Variants in CRTAC1 observed in about 807,000 individuals in gnomAD.
CRTAC1 encodes acidic secreted protein in cartilage.
A neutral mutation model predicts 67.8 loss-of-function variants in CRTAC1; 37 were observed. The ratio of observed to expected loss-of-function variants is 0.55; its 90% CI spans 0.42 to 0.72. The LOEUF is 0.72. CRTAC1 is among the 30% of genes least tolerant of loss of function. CRTAC1 has a pLI of 0.00. For missense variants in CRTAC1, 780 were observed against 931.6 expected (o/e 0.84, Z 2.12); for synonymous variants, 348 against 371.0 (o/e 0.94, Z 0.71).
rs541178023 is a variant in CRTAC1 at position 97,923,390 on chromosome 10, C to T, written c.432G>A (p.Thr144=). The change falls in exon 4 of 15, where the codon ACG becomes ACA. Residue 144 remains threonine, a synonymous_variant. Transcript: ENST00000370597. The part of the protein sequence containing the change: ...NTNNAFSGVA[T]YTDKLFKFRN... ...GGAACTTGAACAACTTGTCGGTGTA[C>T]GTGGCCACCCCTGGAGAGAGGAGGA... 3.4e-5 allele frequency: 55 copies of T among 1,614,070 alleles called. No individual in the cohort carries two copies. In the Admixed American group the frequency reaches 4.5e-4, roughly 13 times the overall value.
At chr10:97,926,873 T>G (rs1307751639) in intron 3 of CRTAC1, among the ~76,000 whole-genome samples, 8 of 152,214 alleles carry the variant, frequency 5.3e-5, no homozygotes, top group Non-Finnish European at 8.8e-5. Flanking sequence ...TGGGAGCCTC[T>G]GAGGATGGTC....
chr10:97,894,267 A>C (rs1469654531), intron 11 of CRTAC1, among the ~76,000 whole-genome samples: 6 of 152,172 alleles, frequency 3.9e-5, no homozygotes, highest in Non-Finnish European at 8.8e-5. Context: ...TCCAGAAGCT[A>C]CCTGGATCCT....
chr10:97,934,598 C>T (rs770534083), intron 3 of CRTAC1, among the ~76,000 whole-genome samples: 7 of 152,242 alleles, frequency 4.6e-5, no homozygotes, highest in African/African-American at 9.6e-5. Flanking sequence ...ATGGTAATGT[C>T]GTGGCTCAGG....
chr10:97,936,279 G>C lies in CRTAC1; in HGVS notation c.312C>G (p.Tyr104Ter). The C allele has an allele frequency of 6.2e-7, 1 of 1,614,174 alleles. No individual in the cohort carries two copies. Among genetic ancestry groups the C allele is most frequent in the African/African-American group, 1.3e-5 (1 of 75,080 alleles). The change falls in exon 3 of 15, where the codon TAC (tyrosine) becomes TAG (stop). Residue 104 changes from tyrosine to a stop codon, truncating the protein, a stop_gained. Transcript: ENST00000370597. LOFTEE classifies it high-confidence loss of function. ...NIAVDERSSP[Y>*]YALRDRQGNA... ...TCCCCTGCCGGTCCCGCAGCGCGTA[G>C]TAGGGTGAGCTGCGCTCATCGACCG...
At chr10:97,992,401 TA>T (rs1842479495) in intron 2 of CRTAC1, among the ~76,000 whole-genome samples, 1 of 152,124 alleles carries the variant, frequency 6.6e-6, no homozygotes, top group African/African-American at 2.4e-5. Flanking sequence ...CTCAAAAACT[TA>T]AAAATAGAAC....
At chr10:97,912,434 T>C (rs1325932967) in intron 5 of CRTAC1, among the ~76,000 whole-genome samples, 1 of 152,166 alleles carries the variant, frequency 6.6e-6, no homozygotes, top group Non-Finnish European at 1.5e-5. Context: ...ATTCTGGCAC[T>C]CTGATGATCT....
At chr10:97,955,234 A>G (rs367584665) in intron 2 of CRTAC1, among the ~76,000 whole-genome samples, 1 of 152,346 alleles carries the variant, frequency 6.6e-6, no homozygotes, top group East Asian at 1.9e-4. Flanking sequence ...ATGGAGTCCA[A>G]GGGTTTCTCA....
intron 14 of CRTAC1, among the ~76,000 whole-genome samples, chr10:97,873,754 C>T (rs773699351): frequency 2.0e-5 from 3 of 152,212 alleles, no homozygotes; most frequent in Admixed American, 1.3e-4. Context: ...TTCCTGCTGG[C>T]AGGCAGGCTG....
intron 2 of CRTAC1, among the ~76,000 whole-genome samples, chr10:97,940,442 G>C (rs2051154390): frequency 6.6e-6 from 1 of 152,208 alleles, no homozygotes; most frequent in Admixed American, 6.5e-5. Flanking sequence ...CCAAGAAGTG[G>C]GGCAAGGTCC....
At chr10:97,971,533 G>T (rs547352350) in intron 2 of CRTAC1, among the ~76,000 whole-genome samples, 2 of 152,306 alleles carry the variant, frequency 1.3e-5, no homozygotes, top group African/African-American at 4.8e-5. Context: ...TGTTTAATAG[G>T]TTCAAAGTTA....
At position 97,884,288 on chromosome 10, in the gene CRTAC1, A is replaced by G. The variant is rs758221199; in HGVS notation, c.1550T>C (p.Val517Ala). 2 of 1,555,800 alleles carry G rather than the reference A, an allele frequency of 1.3e-6. No homozygotes were observed. Among genetic ancestry groups the G allele is most frequent in the Non-Finnish European group, 1.7e-6 (2 of 1,149,226 alleles). Residue 517 changes from valine to alanine, a missense_variant, in exon 12 of 15, where the codon GTG (valine) becomes GCG (alanine). Transcript: ENST00000370597. ...WPDGKMVSRN[V>A]ASGEMNSVLE... ...CACTGAGTTCATCTCCCCGCTGGCC[A>G]CGTTCCGGCTCACCATCTTGCCATC...
At chr10:97,919,083 C>G (rs3793700) in intron 4 of CRTAC1, among the ~76,000 whole-genome samples, 1 of 151,986 alleles carries the variant, frequency 6.6e-6, no homozygotes, top group Non-Finnish European at 1.5e-5. Context: ...TGTGAGCCAC[C>G]GTGCTTGGCC....
intron 5 of CRTAC1, among the ~76,000 whole-genome samples, chr10:97,912,165 T>A (rs1369974286): frequency 6.6e-6 from 1 of 152,236 alleles, no homozygotes; most frequent in East Asian, 1.9e-4. Flanking sequence ...AGCTGGTTTT[T>A]GGAAGGTGCC....
At chr10:97,916,639 G>A (rs2050762623) in intron 5 of CRTAC1, among the ~76,000 whole-genome samples, 1 of 152,194 alleles carries the variant, frequency 6.6e-6, no homozygotes, top group Non-Finnish European at 1.5e-5. Flanking sequence ...CACTTTGGAA[G>A]CCTCTGCTGC....
At chr10:97,919,031 A>ACC (rs3838743) in intron 4 of CRTAC1, among the ~76,000 whole-genome samples, 7 of 142,740 alleles carry the variant, frequency 4.9e-5, no homozygotes, top group East Asian at 2.0e-4. Context: ...GTGATCCACC[A>ACC]CCCCCCCCCG....
intron 2 of CRTAC1, among the ~76,000 whole-genome samples, chr10:97,964,527 C>T (rs1381934813): frequency 6.6e-6 from 1 of 152,200 alleles, no homozygotes; most frequent in Non-Finnish European, 1.5e-5. Context: ...GCAGAAACAG[C>T]CTTTCCAGAT....
intron 1 of CRTAC1, among the ~76,000 whole-genome samples, chr10:98,021,649 G>A (rs1189295428): frequency 4.6e-5 from 7 of 152,186 alleles, no homozygotes; most frequent in Admixed American, 4.6e-4. Flanking sequence ...AAGTCCACAC[G>A]TGGTAGGTAA....
At chr10:97,950,240 C>G (rs559852) in intron 2 of CRTAC1, among the ~76,000 whole-genome samples, 24,007 of 102,422 alleles carry the variant, frequency 0.23, 2,246 homozygotes, top group Non-Finnish European at 0.29. Context: ...CGTGCACACA[C>G]ACACACAGAG....
At chr10:98,002,772 T>G (rs1842716269) in intron 2 of CRTAC1, among the ~76,000 whole-genome samples, 9 of 95,218 alleles carry the variant, frequency 9.5e-5, no homozygotes, top group South Asian at 7.8e-4. Context: ...TTTTTTTTTT[T>G]TTTTTTTTTT....
Sources: gnomAD v4.1 joint callset for allele counts (sites outside exome capture counted in the v4.1 genomes callset) on GRCh38, gnomAD v4.1.1 for gene constraint, MANE v1.5 for transcripts, NCBI Gene and HGNC (gene_info 2026-07-23, HGNC 2026-07-21) for gene names.